The following GRM5 variants were observed in gnomAD, a reference collection of about 807,000 sequenced individuals.
The protein encoded by GRM5 is metabotropic glutamate receptor 5.
GRM5 carries 19 observed loss-of-function variants against 83.1 expected under a neutral mutation model. That is an observed-to-expected ratio of 0.23 (90% CI 0.16 to 0.34). GRM5 has a LOEUF of 0.34. GRM5 is among the 10% of genes least tolerant of loss of function. GRM5 has a pLI of 1.00. For missense variants in GRM5, 1,160 were observed against 1,588.3 expected (o/e 0.73, Z 4.58); for synonymous variants, 675 against 633.6 (o/e 1.07, Z -0.98).
At chr11:88,614,624 A>G (rs537275491) in intron 4 of GRM5, among the ~76,000 whole-genome samples, 1 of 152,202 alleles carries the variant, frequency 6.6e-6, no homozygotes, top group Admixed American at 6.5e-5. Flanking sequence ...CATGCTTACT[A>G]CACTGTTTAT....
chr11:89,058,937 A>G (rs1941932439), intron 1 of GRM5, among the ~76,000 whole-genome samples: 2 of 152,186 alleles, frequency 1.3e-5, no homozygotes, highest in African/African-American at 4.8e-5. Context: ...AACAAATGAT[A>G]TAATAGTGTA....
At chr11:88,982,210 T>C (rs1939547427) in intron 2 of GRM5, among the ~76,000 whole-genome samples, 1 of 152,234 alleles carries the variant, frequency 6.6e-6, no homozygotes, top group South Asian at 2.1e-4. Context: ...ATGTGATTTT[T>C]GGAAAATAGA....
chr11:88,930,085 G>A (rs192607915), intron 2 of GRM5, among the ~76,000 whole-genome samples: 12 of 152,194 alleles, frequency 7.9e-5, no homozygotes, highest in Admixed American at 7.9e-4. Flanking sequence ...GCCAAAAAAG[G>A]AGCATCTGTC....
intron 4 of GRM5, among the ~76,000 whole-genome samples, chr11:88,611,408 G>T (rs1314580269): frequency 6.6e-6 from 1 of 152,012 alleles, no homozygotes; most frequent in African/African-American, 2.4e-5. Flanking sequence ...TTATTTATCT[G>T]TTCAGAATTT....
chr11:88,914,882 T>A (rs1291265644), intron 2 of GRM5, among the ~76,000 whole-genome samples: 1 of 152,162 alleles, frequency 6.6e-6, no homozygotes. Context: ...CAAATGAAAG[T>A]GCTCATTGAA....
chr11:88,987,003 G>A (rs7128295), intron 2 of GRM5, among the ~76,000 whole-genome samples: 9 of 152,126 alleles, frequency 5.9e-5, no homozygotes, highest in African/African-American at 2.2e-4. Context: ...TCGGGGGAAG[G>A]AGCCAAGATG....
chr11:88,611,757 T>C (rs1938323713), intron 4 of GRM5, among the ~76,000 whole-genome samples: 1 of 152,102 alleles, frequency 6.6e-6, no homozygotes, highest in African/African-American at 2.4e-5. Flanking sequence ...TCTGCTAGCT[T>C]TGATGTTGTT....
chr11:88,917,978 G>A (rs1945622863), intron 2 of GRM5, among the ~76,000 whole-genome samples: 1 of 151,874 alleles, frequency 6.6e-6, no homozygotes, highest in Admixed American at 6.6e-5. Flanking sequence ...AGTACAACAA[G>A]GTTATAGAAC....
chr11:88,803,811 G>T (rs569617654), intron 3 of GRM5, among the ~76,000 whole-genome samples: 23 of 152,078 alleles, frequency 1.5e-4, no homozygotes, highest in African/African-American at 3.4e-4. Flanking sequence ...ATATCCAGAA[G>T]CTACAATGAA....
intron 2 of GRM5, among the ~76,000 whole-genome samples, chr11:88,983,396 A>G (rs1419628535): frequency 6.6e-6 from 1 of 152,218 alleles, no homozygotes; most frequent in Admixed American, 6.5e-5. Context: ...TGTTTTGGTC[A>G]ACAAGAAATC....
rs183832383 is a variant in GRM5, at chr11:88,836,184, G to T, written c.911+13722C>A. ...CAGGAAGCAAACCTCTCCTGTAAAG[G>T]GTCAGATAGTAAATATTTAAGGATC... On this transcript the variant is annotated intron_variant, in intron 3 of 9. Transcript: ENST00000305447. 2.0e-5 allele frequency among the ~76,000 whole-genome samples: 3 copies of T among 152,186 alleles called. No individual in the cohort carries two copies. The East Asian group carries it at 5.8e-4, about 29-fold the overall frequency.
chr11:88,752,568 C>T (rs1053671181), intron 3 of GRM5, among the ~76,000 whole-genome samples: 3 of 152,192 alleles, frequency 2.0e-5, no homozygotes, highest in Non-Finnish European at 4.4e-5. Context: ...CATTAAACTA[C>T]CTTTGCCATT....
chr11:88,686,912 C>G (rs1159298744), intron 3 of GRM5, among the ~76,000 whole-genome samples: 1 of 152,078 alleles, frequency 6.6e-6, no homozygotes, highest in African/African-American at 2.4e-5. Flanking sequence ...ATTTTGCCTC[C>G]TATTACAGTT....
At chr11:88,985,086 T>C (rs1000934033) in intron 2 of GRM5, among the ~76,000 whole-genome samples, 38 of 152,046 alleles carry the variant, frequency 2.5e-4, no homozygotes, top group Non-Finnish European at 5.4e-4. Context: ...AATCCCACTC[T>C]AAAGGAATAA....
intron 2 of GRM5, among the ~76,000 whole-genome samples, chr11:88,854,063 T>TATATATAC (rs56156194): frequency 0.28 from 40,739 of 146,460 alleles, 6,900 homozygotes; most frequent in Non-Finnish European, 0.37. Flanking sequence ...GTGGTGTATA[T>TATATATAC]ATATATATAT....
intron 4 of GRM5, among the ~76,000 whole-genome samples, chr11:88,646,391 C>T (rs1939449012): frequency 6.6e-6 from 1 of 151,832 alleles, no homozygotes; most frequent in African/African-American, 2.4e-5. Context: ...TGAAGTCAGG[C>T]TCACTGTTAA....
At chr11:89,024,022 C>T (rs867852228) in intron 2 of GRM5, among the ~76,000 whole-genome samples, 11 of 151,986 alleles carry the variant, frequency 7.2e-5, no homozygotes, top group Middle Eastern at 3.2e-3. Context: ...TCAAGACCAG[C>T]GTGGCCAACG....
chr11:88,569,774 T>C (rs2135175646), intron 7 of GRM5, among the ~76,000 whole-genome samples: 1 of 152,348 alleles, frequency 6.6e-6, no homozygotes, highest in East Asian at 1.9e-4. Flanking sequence ...ATCTTCTTTG[T>C]TTAAGCTCCT....
chr11:88,988,278 A>C (rs1377578249), intron 2 of GRM5, among the ~76,000 whole-genome samples: 3 of 152,068 alleles, frequency 2.0e-5, no homozygotes, highest in African/African-American at 7.3e-5. Flanking sequence ...AGATGAAATG[A>C]ATGAAATGAA....
Sources: allele counts gnomAD v4.1 joint callset (sites outside exome capture counted in the v4.1 genomes callset), GRCh38; gene constraint gnomAD v4.1.1; transcripts MANE v1.5; gene names NCBI Gene and HGNC (gene_info 2026-07-23, HGNC 2026-07-21).